PRSS23: variants seen among roughly 807,000 people sequenced by gnomAD.
PRSS23 encodes serine protease 23, also known as protease, serine 23.
A neutral mutation model predicts 34.7 loss-of-function variants in PRSS23; 25 were observed. The ratio of observed to expected loss-of-function variants is 0.72; its 90% CI spans 0.53 to 1.01. The LOEUF is 1.01. PRSS23 is among the 50% of genes least tolerant of loss of function. The pLI is 0.00. For synonymous variants in PRSS23, 176 were observed against 186.6 expected (o/e 0.94, Z 0.46); for missense variants, 445 against 475.6 (o/e 0.94, Z 0.60).
At chr11:86,933,137 G>C (rs973014285) in intron 2 of PRSS23, 2 of 152,296 alleles carry the variant, frequency 1.3e-5, no homozygotes, top group Non-Finnish European at 2.9e-5. Context: ...TCAAAAGCAG[G>C]CTGGCGGGCA....
intron 2 of PRSS23, among the ~76,000 whole-genome samples, chr11:86,897,421 A>G (rs1003150601): frequency 3.9e-5 from 6 of 152,008 alleles, no homozygotes; most frequent in Non-Finnish European, 5.9e-5. Flanking sequence ...AAAGTACTTG[A>G]CACAGTGCCT....
chr11:86,926,445 G>C (rs1949082361), intron 2 of PRSS23, among the ~76,000 whole-genome samples: 1 of 152,050 alleles, frequency 6.6e-6, no homozygotes, highest in African/African-American at 2.4e-5. Flanking sequence ...AAAGATTTTT[G>C]GTTACCAGTT....
intron 2 of PRSS23, among the ~76,000 whole-genome samples, chr11:86,866,703 T>C (rs1026183140): frequency 6.6e-6 from 1 of 152,074 alleles, no homozygotes; most frequent in Non-Finnish European, 1.5e-5. Context: ...TAATGAGAGG[T>C]ATTTGGGTCA....
At chr11:86,828,087 A>C (rs1488820249) in intron 2 of PRSS23, among the ~76,000 whole-genome samples, 2 of 152,216 alleles carry the variant, frequency 1.3e-5, no homozygotes, top group South Asian at 2.1e-4. Context: ...TAATGTTGAC[A>C]GTGGAGTGTT....
At position 86,845,429 on chromosome 11, in the gene PRSS23, A is replaced by G. The variant is rs78112933; in HGVS notation, c.206+21836A>G. ...CTTAAATTCACTTTGTCTTTACTTGATACATCCATCACATAGACATCATGC... is the reference window on the plus strand; with the variant it reads ...CTTAAATTCACTTTGTCTTTACTTGGTACATCCATCACATAGACATCATGC... On this transcript the variant is annotated intron_variant, in intron 2 of 2. Transcript: ENST00000533902. 9.8e-3 allele frequency among the ~76,000 whole-genome samples: 1,500 copies of G among 152,306 alleles called. 18 individuals carry two copies. Among genetic ancestry groups the G allele is most frequent in the African/African-American group, 0.035 (1,452 of 41,554 alleles).
At chr11:86,929,509 G>GGC (rs1413792131) in intron 2 of PRSS23, among the ~76,000 whole-genome samples, 1 of 151,662 alleles carries the variant, frequency 6.6e-6, no homozygotes, top group Non-Finnish European at 1.5e-5. Context: ...CATGCATGGT[G>GGC]GCATATGCCT....
intron 2 of PRSS23, chr11:86,935,136 C>T (rs1487051375): frequency 6.6e-6 from 1 of 152,270 alleles, no homozygotes; most frequent in Non-Finnish European, 1.5e-5. Flanking sequence ...CTGAAACAAA[C>T]AGAGAGGACT....
Position 86,832,007 on chromosome 11 carries a change from A to G in PRSS23, c.206+8414A>G, listed in dbSNP as rs182637498. On this transcript the variant is annotated intron_variant, in intron 2 of 2. Coordinates refer to the PRSS23 transcript ENST00000533902. ...TTACTCCTAATGTTCGAGATGGTGT[A>G]ACTCCCGTGATATTACTCATAATAT... is the stretch of plus-strand genomic sequence containing the variant. Among the ~76,000 whole-genome samples, 247 of 151,894 alleles carry G rather than the reference A, an allele frequency of 1.6e-3. 1 individual carries two copies. Among genetic ancestry groups the G allele is most frequent in the Non-Finnish European group, 3.0e-3 (202 of 67,898 alleles).
rs923572814 is a variant in PRSS23 at position 86,916,920 on chromosome 11, G to T, written c.207-34296G>T. On this transcript the variant is annotated intron_variant, in intron 2 of 2. Coordinates refer to the PRSS23 transcript ENST00000533902. Reference sequence around the variant, plus strand: ...CAAGGACAGAGCTTTATACCTTTCTGTATCCGTACAGCTTAGCCCAGCACC... The same window carrying T: ...CAAGGACAGAGCTTTATACCTTTCTTTATCCGTACAGCTTAGCCCAGCACC... 1.3e-5 allele frequency among the ~76,000 whole-genome samples: 2 copies of T among 152,204 alleles called. 1 individual carries two copies. The highest frequency in any genetic ancestry group is 1.3e-4 in the Admixed American group (2 of 15,272).
chr11:86,923,450 A>T (rs1235138481), intron 2 of PRSS23, among the ~76,000 whole-genome samples: 1 of 152,154 alleles, frequency 6.6e-6, no homozygotes. Context: ...TTTAAATTAC[A>T]TGTATGGCTT....
chr11:86,890,350 A>G (rs189076946), intron 2 of PRSS23, among the ~76,000 whole-genome samples: 7 of 152,362 alleles, frequency 4.6e-5, no homozygotes, highest in African/African-American at 1.4e-4. Context: ...ATACCTCAGC[A>G]TAAAGCATAG....
At chr11:86,910,838 T>G (rs1002765114) in intron 2 of PRSS23, 34 of 152,336 alleles carry the variant, frequency 2.2e-4, no homozygotes, top group African/African-American at 8.2e-4. Flanking sequence ...GTGACTCATC[T>G]ATTAGAGTGG....
intron 1 of PRSS23, among the ~76,000 whole-genome samples, chr11:86,819,477 C>T (rs750126826): frequency 2.0e-5 from 3 of 151,950 alleles, no homozygotes; most frequent in Non-Finnish European, 4.4e-5. Context: ...TAAAAATTAC[C>T]ATTCCCATTG....
chr11:86,879,833 C>T (rs1181803111), intron 2 of PRSS23, among the ~76,000 whole-genome samples: 6 of 118,076 alleles, frequency 5.1e-5, no homozygotes, highest in African/African-American at 1.3e-4. Flanking sequence ...GGGGGGTCAG[C>T]CCCCCGCCCG....
intron 2 of PRSS23, among the ~76,000 whole-genome samples, chr11:86,874,082 A>G (rs983760295): frequency 6.6e-6 from 1 of 152,224 alleles, no homozygotes; most frequent in African/African-American, 2.4e-5. Flanking sequence ...GAGCCATCAG[A>G]CCAAGAAGAG....
At chr11:86,837,763 T>C (rs1948417964) in intron 2 of PRSS23, 1 of 152,114 alleles carries the variant, frequency 6.6e-6, no homozygotes, top group African/African-American at 2.4e-5. Flanking sequence ...CGAGACTCCA[T>C]CTCAAAAAAA....
intron 2 of PRSS23, chr11:86,896,348 T>C (rs555468597): frequency 5.1e-4 from 66 of 128,936 alleles, no homozygotes; most frequent in African/African-American, 1.7e-3. Flanking sequence ...TAATATAGCA[T>C]TGACCTTTGT....
chr11:86,861,944 G>C (rs1410313857), intron 2 of PRSS23, among the ~76,000 whole-genome samples: 1 of 151,814 alleles, frequency 6.6e-6, no homozygotes, highest in Non-Finnish European at 1.5e-5. Flanking sequence ...TCCCATATCA[G>C]AGGGGGTGTC....
At chr11:86,918,406 T>C (rs1949027568) in intron 2 of PRSS23, among the ~76,000 whole-genome samples, 1 of 152,224 alleles carries the variant, frequency 6.6e-6, no homozygotes, top group African/African-American at 2.4e-5. Flanking sequence ...TTATTGTCTA[T>C]GTACAGAAAG....
Sources: gnomAD v4.1 joint callset for allele counts (sites outside exome capture counted in the v4.1 genomes callset) on GRCh38, gnomAD v4.1.1 for gene constraint, MANE v1.5 for transcripts, NCBI Gene and HGNC (gene_info 2026-07-23, HGNC 2026-07-21) for gene names.